The following MRPL18 variants were observed in gnomAD, a reference collection of about 807,000 sequenced individuals.
MRPL18 encodes the protein large ribosomal subunit protein uL18m.
In MRPL18, 16 loss-of-function variants were observed where a neutral mutation model predicts 20.9. That is an observed-to-expected ratio of 0.76 (90% CI 0.52 to 1.16). MRPL18 has a LOEUF of 1.16. Among genes scored for constraint, MRPL18 ranks in the 50% most tolerant of loss-of-function variants. The pLI, the probability that MRPL18 is intolerant of heterozygous loss-of-function variation, is 0.00. For missense variants in MRPL18, 233 were observed against 230.6 expected, an observed-to-expected ratio of 1.01 and a Z score of -0.07; for synonymous variants, 91 against 87.1, an observed-to-expected ratio of 1.04 and a Z score of -0.25.
chr6:159,794,738 G>A (rs1019585516), intron 2 of MRPL18, among the ~76,000 whole-genome samples: 3 of 152,200 alleles, frequency 2.0e-5, no homozygotes, highest in Admixed American at 6.5e-5. Context: ...ATTAAGTTAT[G>A]AAGGGGTGGG....
At position 159,791,140 on chromosome 6, in the gene MRPL18, C is replaced by T; in HGVS notation, c.239+14C>T. 2 of 1,613,922 alleles carry T rather than the reference C, an allele frequency of 1.2e-6. No homozygotes were observed. Among genetic ancestry groups the T allele is most frequent in the Non-Finnish European group, 1.7e-6 (2 of 1,179,874 alleles). On this transcript the variant is annotated intron_variant, in intron 2 of 3. Transcript: ENST00000367034. ...GTTCTGGCACAGGTAATTAAATCTG[C>T]TTGTGATTGACAAGGGCAGTGCACC...
chr6:159,795,681 T>C (rs1781014051), intron 2 of MRPL18, among the ~76,000 whole-genome samples: 1 of 152,192 alleles, frequency 6.6e-6, no homozygotes, highest in Non-Finnish European at 1.5e-5. Context: ...ATCTGATCTC[T>C]TGCTTTTCCC....
chr6:159,797,177 G>C (rs6908680), intron 2 of MRPL18, 110 bp from the exon 3 acceptor site: 1 of 1,074,498 alleles, frequency 9.3e-7, no homozygotes, highest in Non-Finnish European at 1.4e-6. Flanking sequence ...TGAAGTAAAT[G>C]AACCAAACAC....
At chr6:159,794,185 A>G (rs1416927729) in intron 2 of MRPL18, among the ~76,000 whole-genome samples, 4 of 152,248 alleles carry the variant, frequency 2.6e-5, no homozygotes, top group Non-Finnish European at 5.9e-5. Flanking sequence ...AATAAATCTT[A>G]GCATACGATA....
chr6:159,793,781 A>T (rs544893478), intron 2 of MRPL18, among the ~76,000 whole-genome samples: 10 of 152,224 alleles, frequency 6.6e-5, no homozygotes, highest in African/African-American at 2.4e-4. Flanking sequence ...GCGTGGTGGC[A>T]GGCACCTGTA....
At position 159,791,059 on chromosome 6, in the gene MRPL18, C is replaced by T; in HGVS notation, c.172C>T (p.Leu58Phe). Residue 58 changes from leucine (L) to phenylalanine (F), a missense_variant, in exon 2 of 4, where the codon CTT (leucine) becomes TTT (phenylalanine). By Grantham distance (22) the Leu-to-Phe change is conservative. Coordinates refer to ENST00000367034, the MANE Select transcript of MRPL18 (RefSeq NM_014161.5). ...CAACCGGAACCCCCGGAACCTGGAG[C>T]TTTTATCTGTAGCCAGGAAAGAGCG... ...FTNRNPRNLELLSVARKERGW... is the reference protein window; with the variant it reads ...FTNRNPRNLEFLSVARKERGW... 2 of 1,614,190 alleles carry T rather than the reference C, an allele frequency of 1.2e-6. No individual in the cohort carries two copies. The highest frequency in any genetic ancestry group is 1.1e-5 in the South Asian group (1 of 91,084).
intron 2 of MRPL18, among the ~76,000 whole-genome samples, chr6:159,794,203 C>T (rs961287306): frequency 1.3e-5 from 2 of 152,210 alleles, no homozygotes; most frequent in South Asian, 4.1e-4. Context: ...ATAAACACTT[C>T]CGCATCTTTC....
chr6:159,792,325 G>C (rs954127393), intron 2 of MRPL18, among the ~76,000 whole-genome samples: 1 of 152,150 alleles, frequency 6.6e-6, no homozygotes, highest in African/African-American at 2.4e-5. Context: ...ACTATGTAAA[G>C]TTGTAAGAGT....
rs1781097787 is a variant in MRPL18, at chr6:159,798,425, T to C, written c.*302T>C. 1 of 276,122 alleles carries C rather than the reference T, an allele frequency of 3.6e-6. No individual in the cohort carries two copies. Among genetic ancestry groups the C allele is most frequent in the Non-Finnish European group, 6.8e-6 (1 of 146,330 alleles). The allele number at this position is 276,122 out of a possible 1,614,324, so 17.1% of individuals were successfully genotyped here. A position where few individuals can be genotyped will look rare whatever the true frequency, so the allele number is the denominator to read the frequency against. ...TACAAAATAAAGGCATATTATGAAC[T>C]CTTATTTTCTGGTTATATGACATTG... On this transcript the variant is annotated 3_prime_UTR_variant, in exon 4 of 4. Transcript: ENST00000367034.
In MRPL18 at chr6:159,790,530, A is replaced by G. The variant is rs1360574385; in HGVS notation, c.-58A>G. The G allele has an allele frequency of 4.3e-6, 7 of 1,612,102 alleles. No homozygotes were observed. The highest frequency in any genetic ancestry group is 3.3e-5 in the Admixed American group (2 of 59,978). On this transcript the variant is annotated 5_prime_UTR_variant, in exon 1 of 4. Transcript: ENST00000367034. The stretch of plus-strand genomic sequence containing the variant: ...TGACTTTATATGGCTGCTCCTGGCG[A>G]GCGACTGAGTCGTCCGTGAGGAAAA...
rs191093525 is a variant in MRPL18 at position 159,792,226 on chromosome 6, A to G, written c.239+1100A>G. Reference sequence around the variant, plus strand: ...GCCAGGACGCTAGGTTATTACCACTATACTACAGCATGTAAGTGTTTATCA... The same window carrying G: ...GCCAGGACGCTAGGTTATTACCACTGTACTACAGCATGTAAGTGTTTATCA... On this transcript the variant is annotated intron_variant, in intron 2 of 3. Coordinates refer to ENST00000367034, the MANE Select transcript of MRPL18 (RefSeq NM_014161.5). 2.0e-5 allele frequency among the ~76,000 whole-genome samples: 3 copies of G among 152,278 alleles called. No homozygotes were observed. The East Asian group carries it at 5.8e-4, about 29-fold the overall frequency.
intron 2 of MRPL18, 49 bp from the exon 3 acceptor site, chr6:159,797,236 CTT>C: frequency 6.6e-7 from 1 of 1,506,240 alleles, no homozygotes; most frequent in African/African-American, 1.4e-5. Flanking sequence ...ATTAATGTAA[CTT>C]TAGGATACAG....
chr6:159,793,718 G>A (rs973985233), intron 2 of MRPL18, among the ~76,000 whole-genome samples: 9 of 152,132 alleles, frequency 5.9e-5, no homozygotes, highest in Non-Finnish European at 1.3e-4. Context: ...GACCATCCTG[G>A]CTAACACGGT....
Position 159,796,724 on chromosome 6 carries a change from CA to C in MRPL18, c.240-562del, listed in dbSNP as rs558155019. ...GCTTGAGCCTAGGGGTTTGAGGCTA[CA>C]GTGAGCTGTGGTTGCACTGCTGTAC... On this transcript the variant is annotated intron_variant, in intron 2 of 3. Coordinates refer to ENST00000367034, the MANE Select transcript of MRPL18 (RefSeq NM_014161.5). 2.0e-5 allele frequency among the ~76,000 whole-genome samples: 3 copies of C among 152,192 alleles called. No individual in the cohort carries two copies. In the East Asian group the frequency reaches 5.8e-4, roughly 29 times the overall value.
intron 2 of MRPL18, among the ~76,000 whole-genome samples, chr6:159,796,149 T>TTTA (rs951607580): frequency 7.9e-6 from 1 of 126,498 alleles, no homozygotes; most frequent in Non-Finnish European, 1.7e-5. Context: ...TTTTTTTTTT[T>TTTA]AACCATGCAG....
At chr6:159,794,226 C>T (rs1459329419) in intron 2 of MRPL18, among the ~76,000 whole-genome samples, 2 of 152,206 alleles carry the variant, frequency 1.3e-5, no homozygotes, top group Admixed American at 6.5e-5. Flanking sequence ...CACCACCACC[C>T]TCAACCACCC....
Position 159,798,039 on chromosome 6 carries a change from T to C in MRPL18, c.472-13T>C, listed in dbSNP as rs1241957752. Reference sequence around the variant, plus strand: ...CTTAATCTTTTCCTTTTTTTTCTGATTTTCAAAACCAGATGAAACGACTAC... The same window carrying C: ...CTTAATCTTTTCCTTTTTTTTCTGACTTTCAAAACCAGATGAAACGACTAC... On this transcript the variant is annotated splice_polypyrimidine_tract_variant and intron_variant, in intron 3 of 3. Coordinates refer to ENST00000367034, the MANE Select transcript of MRPL18 (RefSeq NM_014161.5). 1.9e-6 allele frequency: 3 copies of C among 1,611,510 alleles called. No individual in the cohort carries two copies. The highest frequency in any genetic ancestry group is 2.2e-5 in the South Asian group (2 of 90,430).
chr6:159,797,242 G>A, intron 2 of MRPL18, 45 bp from the exon 3 acceptor site: 2 of 1,527,416 alleles, frequency 1.3e-6, no homozygotes, highest in South Asian at 1.1e-5. Flanking sequence ...GTAACTTTAG[G>A]ATACAGATTC....
rs746126381 is a variant in MRPL18, at chr6:159,790,600, T to C, written c.13T>C (p.Ser5Pro). The change falls in exon 1 of 4, where the codon TCG becomes CCG. Residue 5 changes from serine to proline, a missense_variant. Coordinates refer to ENST00000367034, the MANE Select transcript of MRPL18 (RefSeq NM_014161.5). MALR[S>P]RFWGLFSVCR... ...GATCGTCTCAGCGATGGCGCTTCGG[T>C]CGCGGTTTTGGGGGTTGTTCTCGGT... 5.2e-6 allele frequency: 8 copies of C among 1,538,626 alleles called. No individual in the cohort carries two copies. In the Admixed American group the frequency reaches 1.4e-4, roughly 26 times the overall value.
Sources: allele counts gnomAD v4.1 joint callset (sites outside exome capture counted in the v4.1 genomes callset), GRCh38; gene constraint gnomAD v4.1.1; transcripts MANE v1.5; gene names NCBI Gene and HGNC (gene_info 2026-07-23, HGNC 2026-07-21).